Variants in SPAG16 observed in about 807,000 individuals in gnomAD.
SPAG16 encodes sperm associated antigen 16.
SPAG16 carries 86 observed loss-of-function variants against 80.4 expected under a neutral mutation model. The observed-to-expected ratio is 1.07, with a 90% CI of 0.90 to 1.28. The LOEUF (loss-of-function observed/expected upper bound fraction) is 1.28, where lower values mean the gene tolerates loss of function less well. Among genes scored for constraint, SPAG16 ranks in the 50% most tolerant of loss-of-function variants. The pLI is 0.00. For synonymous variants in SPAG16, 294 were observed against 265.9 expected (o/e 1.11, Z -1.03); for missense variants, 870 against 765.3 (o/e 1.14, Z -1.61).
At chr2:213,501,789 T>C (rs2074753172) in intron 10 of SPAG16, among the ~76,000 whole-genome samples, 1 of 152,196 alleles carries the variant, frequency 6.6e-6, no homozygotes, top group South Asian at 2.1e-4. Context: ...AAATAGATAT[T>C]GGACTTACTA....
At chr2:213,622,326 C>T (rs1347149730) in intron 10 of SPAG16, among the ~76,000 whole-genome samples, 4 of 152,170 alleles carry the variant, frequency 2.6e-5, no homozygotes, top group African/African-American at 7.2e-5. Context: ...ATCAGATCAC[C>T]ATGTCCAGAC....
chr2:214,291,390 C>T (rs749882316), intron 15 of SPAG16, among the ~76,000 whole-genome samples: 2,911 of 140,858 alleles, frequency 0.021, 44 homozygotes, highest in Non-Finnish European at 0.031. Flanking sequence ...ACTGCAAGCT[C>T]CGCCTCCCGG....
chr2:213,367,292 G>A (rs1223132403), intron 8 of SPAG16, among the ~76,000 whole-genome samples: 2 of 151,466 alleles, frequency 1.3e-5, no homozygotes, highest in Admixed American at 6.6e-5. Context: ...ATAATCCTTT[G>A]GGTATATACC....
intron 15 of SPAG16, among the ~76,000 whole-genome samples, chr2:214,233,027 A>G (rs111680989): frequency 5.3e-5 from 8 of 152,212 alleles, no homozygotes; most frequent in African/African-American, 1.7e-4. Context: ...CAAAGAATAC[A>G]TATCCTATGA....
chr2:214,384,019 C>A (rs1301064199), intron 15 of SPAG16, among the ~76,000 whole-genome samples: 2 of 152,308 alleles, frequency 1.3e-5, no homozygotes, highest in East Asian at 1.9e-4. Context: ...ATTTAAGACA[C>A]TGGACCCAGA....
At chr2:214,166,066 A>G (rs997586703) in intron 15 of SPAG16, among the ~76,000 whole-genome samples, 2 of 152,192 alleles carry the variant, frequency 1.3e-5, no homozygotes, top group Admixed American at 1.3e-4. Context: ...AATCCATGCA[A>G]TGGAATACCA....
At chr2:214,172,643 A>G (rs2056915643) in intron 15 of SPAG16, among the ~76,000 whole-genome samples, 1 of 152,036 alleles carries the variant, frequency 6.6e-6, no homozygotes, top group Non-Finnish European at 1.5e-5. Context: ...GTCAAATGGT[A>G]TTTCTAGTTC....
intron 9 of SPAG16, 147 bp downstream of exon 9, chr2:213,375,266 G>A: frequency 1.9e-6 from 1 of 536,528 alleles, no homozygotes; most frequent in Non-Finnish European, 3.3e-6. Flanking sequence ...GGACAGTGGA[G>A]GTATCCAAAT....
chr2:213,789,375 T>C (rs956302455), intron 10 of SPAG16, among the ~76,000 whole-genome samples: 3 of 151,960 alleles, frequency 2.0e-5, no homozygotes, highest in African/African-American at 7.2e-5. Context: ...TCCAATATCT[T>C]ATTCCAATAA....
rs147088398 is a variant in SPAG16, at chr2:213,391,654, C to G, written c.942+16535C>G. 1.7e-4 allele frequency among the ~76,000 whole-genome samples: 26 copies of G among 152,106 alleles called. 1 individual carries two copies. The highest frequency in any genetic ancestry group is 6.3e-4 in the African/African-American group (26 of 41,504). On this transcript the variant is annotated intron_variant, in intron 9 of 15. Transcript: ENST00000331683. ...GATTTAGACTCAAGTAATTTTGTTT[C>G]GATAGAAAAGGTTATTTACTAAGGG... is the stretch of plus-strand genomic sequence containing the variant.
chr2:213,855,156 T>A (rs983980413), intron 10 of SPAG16, among the ~76,000 whole-genome samples: 2 of 152,248 alleles, frequency 1.3e-5, no homozygotes, highest in Non-Finnish European at 2.9e-5. Flanking sequence ...ACAATAGTTT[T>A]AACTTTTTAC....
intron 10 of SPAG16, among the ~76,000 whole-genome samples, chr2:213,653,601 T>C (rs184605940): frequency 6.6e-6 from 1 of 152,348 alleles, no homozygotes; most frequent in East Asian, 1.9e-4. Flanking sequence ...TTTCTACTTA[T>C]TGAGCAAAAC....
At chr2:213,401,686 C>T (rs1313521940) in intron 9 of SPAG16, among the ~76,000 whole-genome samples, 1 of 152,054 alleles carries the variant, frequency 6.6e-6, no homozygotes, top group Non-Finnish European at 1.5e-5. Context: ...TTTCATTTAT[C>T]TGGTGATTTT....
chr2:214,049,399 G>A (rs1174985041), intron 13 of SPAG16, among the ~76,000 whole-genome samples: 1 of 152,038 alleles, frequency 6.6e-6, no homozygotes, highest in Non-Finnish European at 1.5e-5. Flanking sequence ...CATGCTCTCT[G>A]ACTTGCAATA....
At chr2:214,188,056 A>G (rs966216453) in intron 15 of SPAG16, among the ~76,000 whole-genome samples, 2 of 152,070 alleles carry the variant, frequency 1.3e-5, no homozygotes, top group African/African-American at 4.8e-5. Flanking sequence ...TGGGATAGAT[A>G]GGTCAGAGTG....
At chr2:214,117,194 G>A (rs1379201435) in intron 14 of SPAG16, among the ~76,000 whole-genome samples, 1 of 152,064 alleles carries the variant, frequency 6.6e-6, no homozygotes, top group Non-Finnish European at 1.5e-5. Context: ...AAATCCTGGA[G>A]CTGAAAAATA....
intron 10 of SPAG16, among the ~76,000 whole-genome samples, chr2:213,663,694 T>C (rs1000394795): frequency 6.6e-6 from 1 of 152,096 alleles, no homozygotes; most frequent in African/African-American, 2.4e-5. Flanking sequence ...TTTGAATTAT[T>C]TTTGCTTCCT....
In SPAG16 at chr2:214,028,441, T is replaced by C. The variant is rs1216781230; in HGVS notation, c.1527+14364T>C. On this transcript the variant is annotated intron_variant, in intron 13 of 15. Transcript: ENST00000331683. Reference sequence around the variant, plus strand: ...TGACTGAATAGAATTCTCAACTGAATAGAATTCTCAACTCAGCCAAATTGG... The same window carrying C: ...TGACTGAATAGAATTCTCAACTGAACAGAATTCTCAACTCAGCCAAATTGG... Among the ~76,000 whole-genome samples, 3 of 152,180 alleles carry C rather than the reference T, an allele frequency of 2.0e-5. No homozygotes were observed. In the East Asian group the frequency reaches 5.8e-4, roughly 29 times the overall value.
rs1192756077 is a variant in SPAG16, at chr2:213,733,217, G to GTT, written c.1071-129267_1071-129266dup. 5.4e-4 allele frequency among the ~76,000 whole-genome samples: 12 copies of GTT among 22,378 alleles called. No individual in the cohort carries two copies. In the South Asian group the frequency reaches 0.058, roughly 108 times the overall value. The allele number at this position is 22,378 out of a possible 152,430, so 14.7% of individuals were successfully genotyped here. ...TGTCCTTCACCTACTTTGTAATGGG[G>GTT]TTGTTTTTTTTTTCTTGTAAATTTA... On this transcript the variant is annotated intron_variant, in intron 10 of 15. Coordinates refer to ENST00000331683, the MANE Select transcript of SPAG16 (RefSeq NM_024532.5).
Sources: allele counts gnomAD v4.1 joint callset (sites outside exome capture counted in the v4.1 genomes callset), GRCh38; gene constraint gnomAD v4.1.1; transcripts MANE v1.5; gene names NCBI Gene and HGNC (gene_info 2026-07-23, HGNC 2026-07-21).